ST3GAL2: variants seen among roughly 807,000 people sequenced by gnomAD.
ST3GAL2 encodes ST3 beta-galactoside alpha-2,3-sialyltransferase 2.
ST3GAL2 carries 16 observed loss-of-function variants against 37.5 expected under a neutral mutation model. The ratio of observed to expected loss-of-function variants is 0.43; its 90% CI spans 0.29 to 0.65. The LOEUF is 0.65. ST3GAL2 is among the 30% of genes least tolerant of loss of function. The pLI, the probability that ST3GAL2 is intolerant of heterozygous loss-of-function variation, is 0.17. For synonymous variants in ST3GAL2, 238 were observed against 202.9 expected (o/e 1.17, Z -1.47); for missense variants, 383 against 487.8 (o/e 0.79, Z 2.02).
intron 4 of ST3GAL2, among the ~76,000 whole-genome samples, chr16:70,388,103 A>G (rs1414754525): frequency 6.7e-6 from 1 of 149,442 alleles, no homozygotes; most frequent in African/African-American, 2.5e-5. Flanking sequence ...CAAGAGCGAA[A>G]TTCTGTCTCC....
In ST3GAL2 at chr16:70,380,143, CA is replaced by C. The variant is rs1407338320; in HGVS notation, c.*1545del. The C allele has an allele frequency of 2.0e-5, 3 of 152,160 alleles. No homozygotes were observed. The highest frequency in any genetic ancestry group is 7.2e-5 in the African/African-American group (3 of 41,394). The allele number at this position is 152,160 out of a possible 1,614,324, so 9.4% of individuals were successfully genotyped here. A position where few individuals can be genotyped will look rare whatever the true frequency, so the allele number is the denominator to read the frequency against. Reference sequence around the variant, plus strand: ...CCTGAGAGAGGCATTCTACTAACCCCACCCCAATCACCCCTATTTTTACTCT... The same window carrying C: ...CCTGAGAGAGGCATTCTACTAACCCCCCCCAATCACCCCTATTTTTACTCT... On this transcript the variant is annotated 3_prime_UTR_variant, in exon 7 of 7. Coordinates refer to ENST00000342907, the MANE Select transcript of ST3GAL2 (RefSeq NM_006927.4).
At chr16:70,399,713 A>G (rs2047542425) in intron 1 of ST3GAL2, 180 bp from the exon 2 acceptor site, 1 of 343,270 alleles carries the variant, frequency 2.9e-6, no homozygotes, top group Non-Finnish European at 5.2e-6. Context: ...GTGGGACTCC[A>G]GGGCCTGGAG....
At position 70,416,277 on chromosome 16, in the gene ST3GAL2, C is replaced by G. The variant is rs78315035; in HGVS notation, c.-1003-16744G>C. On this transcript the variant is annotated intron_variant, in intron 1 of 6. Transcript: ENST00000342907. ...TCAAGATCTTAACATAAATAGCATT[C>G]AGAGATGCCCAAACCAGGCCTCCCC... is the stretch of plus-strand genomic sequence containing the variant. 7.2e-5 allele frequency among the ~76,000 whole-genome samples: 11 copies of G among 152,280 alleles called. No individual in the cohort carries two copies. In the East Asian group the frequency reaches 1.5e-3, roughly 21 times the overall value.
At chr16:70,388,133 C>G (rs894246073) in intron 4 of ST3GAL2, among the ~76,000 whole-genome samples, 1 of 148,854 alleles carries the variant, frequency 6.7e-6, no homozygotes, top group East Asian at 2.0e-4. Flanking sequence ...AAAAAACAAA[C>G]AAAAAAACAG....
At chr16:70,431,734 C>T (rs929152746) in intron 1 of ST3GAL2, among the ~76,000 whole-genome samples, 7 of 151,452 alleles carry the variant, frequency 4.6e-5, no homozygotes, top group Admixed American at 6.6e-5. Context: ...GAGGCCGAGG[C>T]GGGCAGATCA....
chr16:70,415,384 G>A (rs564353368), intron 1 of ST3GAL2, among the ~76,000 whole-genome samples: 99 of 152,364 alleles, frequency 6.5e-4, no homozygotes, highest in Non-Finnish European at 6.5e-4. Context: ...CCTCCGGGCG[G>A]CACGGGGAAG....
At chr16:70,418,564 C>T (rs571849142) in intron 1 of ST3GAL2, among the ~76,000 whole-genome samples, 3 of 152,284 alleles carry the variant, frequency 2.0e-5, no homozygotes, top group Admixed American at 6.5e-5. Flanking sequence ...AGGTGCAGTC[C>T]TCCACTTACA....
intron 1 of ST3GAL2, among the ~76,000 whole-genome samples, chr16:70,410,891 C>T (rs1379267014): frequency 3.1e-5 from 4 of 130,300 alleles, no homozygotes; most frequent in African/African-American, 1.2e-4. Context: ...CTCTCTTTTT[C>T]GCTTGCCAAC....
chr16:70,433,119 G>A (rs2047802378), intron 1 of ST3GAL2, among the ~76,000 whole-genome samples: 1 of 152,156 alleles, frequency 6.6e-6, no homozygotes. Flanking sequence ...TTCAGTAAAG[G>A]AACCAGCTCT....
In ST3GAL2 at chr16:70,381,770, G is replaced by A. The variant is rs533023489; in HGVS notation, c.972C>T (p.Gly324=). The A allele has an allele frequency of 5.9e-5, 95 of 1,614,104 alleles. No individual in the cohort carries two copies. The South Asian group carries it at 1.0e-3, about 17-fold the overall frequency. The change falls in exon 7 of 7, where the codon GGC becomes GGT. Residue 324 remains glycine, a synonymous_variant. Transcript: ENST00000342907. The part of the protein sequence containing the change: ...NRYAGEFRKT[G]VHDADFEAHI... ...GGGCCTCGAAGTCCGCGTCGTGCACGCCAGTCTTCCGGAACTCGCCCGCGT... is the reference window on the plus strand; with the variant it reads ...GGGCCTCGAAGTCCGCGTCGTGCACACCAGTCTTCCGGAACTCGCCCGCGT...
Position 70,428,561 on chromosome 16 carries a change from G to C in ST3GAL2, c.-1004+10388C>G, listed in dbSNP as rs75827389. Among the ~76,000 whole-genome samples, 1,175 of 152,304 alleles carry C rather than the reference G, an allele frequency of 7.7e-3. 14 individuals are homozygous for C. The highest frequency in any genetic ancestry group is 0.027 in the African/African-American group (1,129 of 41,566). On this transcript the variant is annotated intron_variant, in intron 1 of 6. Coordinates refer to ENST00000342907, the MANE Select transcript of ST3GAL2 (RefSeq NM_006927.4). ...GCCCCTTCCTCCCTGCTAGGGTGGG[G>C]CTTGGGGCCCATCTCTCCCCAGACC...
At chr16:70,382,050 CCTTT>C (rs943826558) in intron 6 of ST3GAL2, among the ~76,000 whole-genome samples, 188 bp from the exon 7 acceptor site, 4 of 143,970 alleles carry the variant, frequency 2.8e-5, no homozygotes, top group Non-Finnish European at 6.1e-5. Context: ...GCAAATTCCT[CCTTT>C]TTTTTTTTTT....
At chr16:70,382,179 A>C (rs1052825980) in intron 6 of ST3GAL2, among the ~76,000 whole-genome samples, 2 of 151,558 alleles carry the variant, frequency 1.3e-5, no homozygotes, top group Admixed American at 1.3e-4. Flanking sequence ...TCTCTGAACG[A>C]CTGAGTTCCA....
At chr16:70,433,228 C>T (rs1207573453) in intron 1 of ST3GAL2, among the ~76,000 whole-genome samples, 4 of 152,182 alleles carry the variant, frequency 2.6e-5, no homozygotes, top group Admixed American at 2.0e-4. Context: ...CTCTTTTCCA[C>T]TTCTACTGCC....
chr16:70,392,707 C>A (rs185697289), intron 3 of ST3GAL2, among the ~76,000 whole-genome samples: 1 of 152,300 alleles, frequency 6.6e-6, no homozygotes, highest in African/African-American at 2.4e-5. Flanking sequence ...CTCAGCTCAG[C>A]CCTCCAGTGG....
rs998296221 is a variant in ST3GAL2, at chr16:70,380,921, G to A, written c.*768C>T. 1.3e-5 allele frequency: 2 copies of A among 153,732 alleles called. No individual in the cohort carries two copies. Among genetic ancestry groups the A allele is most frequent in the African/African-American group, 4.8e-5 (2 of 41,502 alleles). The allele number at this position is 153,732 out of a possible 1,614,324, so 9.5% of individuals were successfully genotyped here. A position where few individuals can be genotyped will look rare whatever the true frequency, so the allele number is the denominator to read the frequency against. On this transcript the variant is annotated 3_prime_UTR_variant, in exon 7 of 7. Transcript: ENST00000342907. ...GCTGGTGAGGAGGCCTCCGGCCCAG[G>A]GAGAGGCGCTGAGAAGGCTGCGGGT...
At chr16:70,430,222 G>A (rs1177348956) in intron 1 of ST3GAL2, among the ~76,000 whole-genome samples, 2 of 152,346 alleles carry the variant, frequency 1.3e-5, no homozygotes, top group African/African-American at 4.8e-5. Flanking sequence ...GGCTGGGCAG[G>A]AACTGCCAGG....
At chr16:70,394,838 G>T in intron 3 of ST3GAL2, 144 bp downstream of exon 3, 1 of 888,546 alleles carries the variant, frequency 1.1e-6, no homozygotes, top group Non-Finnish European at 1.7e-6. Context: ...AGAGCTCCAA[G>T]CCTGCTGTGA....
In ST3GAL2 at chr16:70,381,818, G is replaced by A; in HGVS notation, c.924C>T (p.His308=). 6.2e-7 allele frequency: 1 copy of A among 1,614,080 alleles called. No homozygotes were observed. The highest frequency in any genetic ancestry group is 8.5e-7 in the Non-Finnish European group (1 of 1,179,948). Residue 308 remains histidine (H), a synonymous_variant, in exon 7 of 7, where the codon CAC becomes CAT. Transcript: ENST00000342907. The part of the protein sequence containing the change: ...GFGADSRGNW[H]HYWENNRYAG... ...CGTACCGGTTGTTCTCCCAGTAGTG[G>A]TGCCAGTTGCCCCGGCTGTCGGCCC...
Sources: allele counts gnomAD v4.1 joint callset (sites outside exome capture counted in the v4.1 genomes callset), GRCh38; gene constraint gnomAD v4.1.1; transcripts MANE v1.5; gene names NCBI Gene and HGNC (gene_info 2026-07-23, HGNC 2026-07-21).